Variants in STPG2 observed in about 807,000 individuals in gnomAD.
STPG2 encodes the protein sperm-tail PG-rich repeat-containing protein 2.
Under a neutral mutation model 54.2 loss-of-function variants are expected in STPG2, and 56 were observed. The ratio of observed to expected loss-of-function variants is 1.03; its 90% CI spans 0.83 to 1.29. The LOEUF is 1.29. Among genes scored for constraint, STPG2 ranks in the 50% most tolerant of loss-of-function variants. The pLI, the probability that STPG2 is intolerant of heterozygous loss-of-function variation, is 0.00. For missense variants in STPG2, 596 were observed against 544.9 expected (o/e 1.09, Z -0.93); for synonymous variants, 200 against 181.8 (o/e 1.10, Z -0.81).
At chr4:97,743,645 A>G (rs1415229392) in intron 9 of STPG2, among the ~76,000 whole-genome samples, 1 of 151,688 alleles carries the variant, frequency 6.6e-6, no homozygotes, top group African/African-American at 2.4e-5. Context: ...TAGAGGGGAT[A>G]CAAAGAGGAA....
chr4:97,673,134 A>G (rs962286904), intron 10 of STPG2, among the ~76,000 whole-genome samples: 1 of 152,224 alleles, frequency 6.6e-6, no homozygotes, highest in Non-Finnish European at 1.5e-5. Flanking sequence ...TAACAAGCCA[A>G]CTCAAGCCAC....
chr4:98,054,385 C>T (rs955702953), intron 5 of STPG2, among the ~76,000 whole-genome samples: 1 of 152,032 alleles, frequency 6.6e-6, no homozygotes, highest in Non-Finnish European at 1.5e-5. Flanking sequence ...AGGAACACCC[C>T]TAAATTATTA....
chr4:97,997,063 T>C (rs7676527), intron 5 of STPG2, among the ~76,000 whole-genome samples: 2,024 of 152,332 alleles, frequency 0.013, 41 homozygotes, highest in African/African-American at 0.046. Context: ...AGAATTATCA[T>C]TTGACCAAGC....
chr4:97,581,493 T>G (rs1284037220), intron 10 of STPG2, among the ~76,000 whole-genome samples: 1 of 152,118 alleles, frequency 6.6e-6, no homozygotes, highest in Non-Finnish European at 1.5e-5. Context: ...TTAGATTAAT[T>G]TATACTTAAC....
chr4:97,571,417 T>A (rs1732597356), intron 10 of STPG2, among the ~76,000 whole-genome samples: 1 of 152,144 alleles, frequency 6.6e-6, no homozygotes, highest in African/African-American at 2.4e-5. Context: ...TCATTATACC[T>A]CTACGGCACT....
intron 9 of STPG2, among the ~76,000 whole-genome samples, chr4:97,714,401 A>G (rs1724225721): frequency 6.6e-6 from 1 of 152,168 alleles, no homozygotes; most frequent in Non-Finnish European, 1.5e-5. Context: ...GTGGGAAGCT[A>G]ATGTGTTTTG....
At chr4:97,967,486 C>T (rs1471320735) in intron 7 of STPG2, among the ~76,000 whole-genome samples, 12 of 152,138 alleles carry the variant, frequency 7.9e-5, no homozygotes, top group Non-Finnish European at 1.8e-4. Flanking sequence ...AGGACTTGAA[C>T]TCAGCTCTGC....
intron 4 of STPG2, among the ~76,000 whole-genome samples, chr4:97,523,373 A>G (rs1731220796): frequency 6.6e-6 from 1 of 151,940 alleles, no homozygotes; most frequent in African/African-American, 2.4e-5. Context: ...ATGATTAAGT[A>G]TAATTATTAT....
In STPG2 at chr4:97,923,394, C is replaced by T. The variant is rs569952047; in HGVS notation, c.1044+20503G>A. Among the ~76,000 whole-genome samples the T allele has an allele frequency of 3.3e-5, 5 of 150,360 alleles. No individual in the cohort carries two copies. The South Asian group carries it at 1.1e-3, about 32-fold the overall frequency. ...CCCCGTCCCATCGACTGCCCAAGGG[C>T]TAAGGAGTGCAGGCGCACAGCGCAG... On this transcript the variant is annotated intron_variant, in intron 8 of 10. Transcript: ENST00000295268.
At chr4:98,133,001 A>C (rs2110166975) in intron 2 of STPG2, among the ~76,000 whole-genome samples, 1 of 151,774 alleles carries the variant, frequency 6.6e-6, no homozygotes, top group Non-Finnish European at 1.5e-5. Flanking sequence ...GGGAAAAAGC[A>C]AACCTTTCAA....
intron 10 of STPG2, among the ~76,000 whole-genome samples, chr4:97,708,519 T>A (rs767154007): frequency 5.9e-5 from 9 of 151,856 alleles, no homozygotes; most frequent in Non-Finnish European, 1.2e-4. Context: ...TTGCCAGTGA[T>A]TCTAAGAATT....
intron 9 of STPG2, among the ~76,000 whole-genome samples, chr4:97,815,106 C>T (rs1039714908): frequency 6.6e-6 from 1 of 152,096 alleles, no homozygotes; most frequent in Non-Finnish European, 1.5e-5. Flanking sequence ...AGGTAAAGAA[C>T]CATGACTAGC....
intron 9 of STPG2, among the ~76,000 whole-genome samples, chr4:97,739,893 G>T (rs7661984): frequency 2.0e-5 from 3 of 151,500 alleles, no homozygotes; most frequent in Non-Finnish European, 2.9e-5. Flanking sequence ...TACCAAAGCC[G>T]GGCAGAGACA....
intron 10 of STPG2, among the ~76,000 whole-genome samples, chr4:97,637,811 G>T (rs1380648115): frequency 6.6e-6 from 1 of 152,104 alleles, no homozygotes; most frequent in African/African-American, 2.4e-5. Flanking sequence ...TCTTCAAGGA[G>T]AACTACAAAC....
At chr4:97,675,692 T>C (rs918665640) in intron 10 of STPG2, among the ~76,000 whole-genome samples, 36 of 151,610 alleles carry the variant, frequency 2.4e-4, no homozygotes, top group East Asian at 5.8e-4. Context: ...TGTGTGTGTG[T>C]GCGCGCGCGT....
chr4:97,474,339 G>A (rs192928972), intron 4 of STPG2, among the ~76,000 whole-genome samples: 5 of 152,196 alleles, frequency 3.3e-5, no homozygotes, highest in Admixed American at 6.6e-5. Flanking sequence ...TAAAAGCAAT[G>A]GTCAAGGCTG....
chr4:97,585,351 TCTC>T (rs1289464084), intron 10 of STPG2, among the ~76,000 whole-genome samples: 1 of 151,802 alleles, frequency 6.6e-6, no homozygotes, highest in East Asian at 1.9e-4. Context: ...AGGAAAAAGT[TCTC>T]CTTCACTGCC....
At chr4:97,461,721 G>A (rs1407622340) in intron 4 of STPG2, among the ~76,000 whole-genome samples, 2 of 152,110 alleles carry the variant, frequency 1.3e-5, no homozygotes, top group Non-Finnish European at 2.9e-5. Context: ...AGTTGAGAAC[G>A]TTTTCATATG....
At chr4:97,922,897 T>C (rs964550519) in intron 8 of STPG2, among the ~76,000 whole-genome samples, 2 of 152,176 alleles carry the variant, frequency 1.3e-5, no homozygotes, top group Non-Finnish European at 2.9e-5. Context: ...CATGAGTATT[T>C]CTTTCTCTCA....
Sources: allele counts gnomAD v4.1 joint callset (sites outside exome capture counted in the v4.1 genomes callset), GRCh38; gene constraint gnomAD v4.1.1; transcripts MANE v1.5; gene names NCBI Gene and HGNC (gene_info 2026-07-23, HGNC 2026-07-21).